Variants in NEK1 observed in about 807,000 individuals in gnomAD.
The protein encoded by NEK1 is serine/threonine-protein kinase Nek1.
A neutral mutation model predicts 182.1 loss-of-function variants in NEK1; 137 were observed. That is an observed-to-expected ratio of 0.75 (90% CI 0.65 to 0.87). The LOEUF is 0.87. NEK1 is among the 40% of genes least tolerant of loss of function. The probability of loss-of-function intolerance (pLI) is 0.00; values close to 1 mark genes in which losing one functional copy is unlikely to be tolerated. For synonymous variants in NEK1, 513 were observed against 492.2 expected (o/e 1.04, Z -0.56); for missense variants, 1,391 against 1,494.4 (o/e 0.93, Z 1.14).
intron 29 of NEK1, among the ~76,000 whole-genome samples, chr4:169,429,377 A>C (rs73864612): frequency 0.013 from 2,005 of 152,268 alleles, 40 homozygotes; most frequent in African/African-American, 0.045. Flanking sequence ...AAAGTAAAAG[A>C]GGTATATTAT....
chr4:169,561,862 A>G lies in NEK1; in HGVS notation c.1110T>C (p.Phe370=). The change falls in exon 14 of 36, where the codon TTT becomes TTC. Residue 370 remains phenylalanine (F), a synonymous_variant. Coordinates refer to ENST00000507142, the MANE Select transcript of NEK1 (RefSeq NM_001199397.3). ...CCTTTTGTTTCTTTTCTTTTTCAAT[A>G]AATTCCAGCCTTCTCTTTCTTGCTG... ...EEAARKRRLE[F]IEKEKKQKDQ... 1 of 1,610,046 alleles carries G rather than the reference A, an allele frequency of 6.2e-7. No homozygotes were observed. Among genetic ancestry groups the G allele is most frequent in the Non-Finnish European group, 8.5e-7 (1 of 1,178,568 alleles).
At chr4:169,522,146 C>T (rs1756171928) in intron 19 of NEK1, among the ~76,000 whole-genome samples, 1 of 152,216 alleles carries the variant, frequency 6.6e-6, no homozygotes, top group South Asian at 2.1e-4. Flanking sequence ...ATCATCTCCA[C>T]TGTACTACTG....
At chr4:169,570,042 G>A (rs1273506993) in intron 12 of NEK1, among the ~76,000 whole-genome samples, 1 of 146,348 alleles carries the variant, frequency 6.8e-6, no homozygotes, top group Non-Finnish European at 1.5e-5. Flanking sequence ...CATCTAGGAA[G>A]TGAGGAGCGC....
At chr4:169,497,400 T>C (rs1225737604) in intron 23 of NEK1, among the ~76,000 whole-genome samples, 4 of 152,154 alleles carry the variant, frequency 2.6e-5, no homozygotes, top group African/African-American at 9.7e-5. Flanking sequence ...GTGTCTCTAT[T>C]TCCTTCAGTT....
At chr4:169,432,085 G>C (rs1227661174) in intron 29 of NEK1, among the ~76,000 whole-genome samples, 1 of 151,376 alleles carries the variant, frequency 6.6e-6, no homozygotes, top group East Asian at 1.9e-4. Context: ...GGGGACCAAA[G>C]ATATAAAGAG....
At chr4:169,521,523 T>C (rs1001829790) in intron 19 of NEK1, among the ~76,000 whole-genome samples, 1 of 152,174 alleles carries the variant, frequency 6.6e-6, no homozygotes, top group African/African-American at 2.4e-5. Context: ...GCCATCTTGG[T>C]TCCTCCCCCT....
Position 169,473,707 on chromosome 4 carries a change from A to G in NEK1, c.2434+3417T>C, listed in dbSNP as rs1023508947. Among the ~76,000 whole-genome samples, 4 of 152,248 alleles carry G rather than the reference A, an allele frequency of 2.6e-5. No individual in the cohort carries two copies. In the East Asian group the frequency reaches 5.8e-4, roughly 22 times the overall value. ...TGAGACCAGCCTGGGCAACATAGCA[A>G]AACACCATCTCTCCAAAAAATACGA... On this transcript the variant is annotated intron_variant, in intron 26 of 35. Coordinates refer to ENST00000507142, the MANE Select transcript of NEK1 (RefSeq NM_001199397.3).
At chr4:169,401,951 T>A in intron 32 of NEK1, 91 bp from the exon 33 acceptor site, 1 of 1,080,484 alleles carries the variant, frequency 9.3e-7, no homozygotes, top group Non-Finnish European at 1.3e-6. Context: ...AAATTTTACT[T>A]CTACTCAATA....
chr4:169,602,593 C>A lies in NEK1; in HGVS notation c.38G>T (p.Gly13Val), dbSNP rs763651590. ...KYVRLQKIGE[G>V]SFGKAILVKS... The stretch of plus-strand genomic sequence containing the variant: ...AACAAGAATGGCTTTTCCAAATGAA[C>A]CTTCTCCAATCTTCTGTAGTCTAAC... The change falls in exon 3 of 36, where the codon GGT becomes GTT. Residue 13 changes from glycine to valine, a missense_variant. Gly to Val is a moderately radical substitution (Grantham distance 109). This residue lies in a region of NEK1 where 42 missense variants were observed against 47.9 expected (regional missense o/e 0.88). Coordinates refer to ENST00000507142, the MANE Select transcript of NEK1 (RefSeq NM_001199397.3). 6.2e-7 allele frequency: 1 copy of A among 1,608,696 alleles called. No homozygotes were observed. Among genetic ancestry groups the A allele is most frequent in the East Asian group, 2.2e-5 (1 of 44,644 alleles).
intron 5 of NEK1, among the ~76,000 whole-genome samples, chr4:169,591,205 G>A (rs1429344644): frequency 2.0e-5 from 3 of 150,952 alleles, no homozygotes; most frequent in South Asian, 4.2e-4. Context: ...GAGTGCAGTC[G>A]TGTTATCATA....
chr4:169,577,159 T>C (rs1765819334), intron 11 of NEK1, 80 bp from the exon 12 acceptor site: 1 of 1,322,442 alleles, frequency 7.6e-7, no homozygotes. Flanking sequence ...AAGATAGCAC[T>C]GTTTAATTTT....
chr4:169,492,372 G>A (rs1052746678), intron 23 of NEK1, among the ~76,000 whole-genome samples: 1 of 152,172 alleles, frequency 6.6e-6, no homozygotes, highest in African/African-American at 2.4e-5. Flanking sequence ...TGGGTGGAGA[G>A]AAAGAAAGCA....
chr4:169,475,498 C>T (rs984901392), intron 26 of NEK1, among the ~76,000 whole-genome samples: 1 of 152,006 alleles, frequency 6.6e-6, no homozygotes, highest in Non-Finnish European at 1.5e-5. Flanking sequence ...GAATAAATCT[C>T]CAGAATAATT....
intron 12 of NEK1, among the ~76,000 whole-genome samples, chr4:169,570,920 A>C (rs965989525): frequency 6.6e-6 from 1 of 152,170 alleles, no homozygotes; most frequent in Non-Finnish European, 1.5e-5. Context: ...GTGTCCACTC[A>C]GGGTTAAATG....
In NEK1 at chr4:169,561,572, A is replaced by C; in HGVS notation, c.1192-18T>G. The C allele has an allele frequency of 6.2e-7, 1 of 1,610,504 alleles. No homozygotes were observed. ...CTTTCCAACTTTGGGGAAAAGAAAT[A>C]AACAAAACACCATTTCAAGTATTTA... On this transcript the variant is annotated intron_variant, in intron 15 of 35. Coordinates refer to ENST00000507142, the MANE Select transcript of NEK1 (RefSeq NM_001199397.3).
chr4:169,601,907 T>G (rs980870333), intron 4 of NEK1, 101 bp downstream of exon 4: 1 of 815,092 alleles, frequency 1.2e-6, no homozygotes, highest in African/African-American at 1.7e-5. Context: ...CATATGCGTA[T>G]GTTTTTAAGC....
chr4:169,588,535 A>T, intron 8 of NEK1, 114 bp downstream of exon 8: 1 of 591,440 alleles, frequency 1.7e-6, no homozygotes, highest in Non-Finnish European at 3.0e-6. Flanking sequence ...ATATATACAT[A>T]TGTGTTTACA....
intron 27 of NEK1, among the ~76,000 whole-genome samples, chr4:169,450,078 A>G (rs1192432127): frequency 2.0e-5 from 3 of 152,262 alleles, no homozygotes; most frequent in Admixed American, 6.5e-5. Context: ...AAAGGGTATC[A>G]GTGATTGAAG....
At chr4:169,593,078 T>C (rs965515942) in intron 5 of NEK1, among the ~76,000 whole-genome samples, 1 of 152,054 alleles carries the variant, frequency 6.6e-6, no homozygotes, top group Non-Finnish European at 1.5e-5. Flanking sequence ...TTCCCATACT[T>C]GTACTTCTTA....
Sources: allele counts gnomAD v4.1 joint callset (sites outside exome capture counted in the v4.1 genomes callset), GRCh38; gene constraint gnomAD v4.1.1; regional missense constraint gnomAD v4.1.1; transcripts MANE v1.5; gene names NCBI Gene and HGNC (gene_info 2026-07-23, HGNC 2026-07-21).